Variants in TAOK3 observed in about 807,000 individuals in gnomAD.
TAOK3 encodes the protein TAO kinase 3, also known as serine/threonine-protein kinase TAO3.
TAOK3 carries 40 observed loss-of-function variants against 120.4 expected under a neutral mutation model. The observed-to-expected ratio is 0.33, with a 90% CI of 0.26 to 0.43. The LOEUF is 0.43. TAOK3 is among the 20% of genes least tolerant of loss of function. The probability of loss-of-function intolerance (pLI) is 1.00; values close to 1 mark genes in which losing one functional copy is unlikely to be tolerated. For missense variants in TAOK3, 821 were observed against 1,112.1 expected, an observed-to-expected ratio of 0.74 and a Z score of 3.72; for synonymous variants, 355 against 387.5, an observed-to-expected ratio of 0.92 and a Z score of 0.99.
At chr12:118,159,048 C>T (rs550986048) in intron 19 of TAOK3, among the ~76,000 whole-genome samples, 1 of 152,198 alleles carries the variant, frequency 6.6e-6, no homozygotes, top group Non-Finnish European at 1.5e-5. Flanking sequence ...GCTCCCATCC[C>T]AAGCTCCCTT....
chr12:118,279,362 C>T (rs2042011907), intron 1 of TAOK3, among the ~76,000 whole-genome samples: 1 of 152,006 alleles, frequency 6.6e-6, no homozygotes, highest in South Asian at 2.1e-4. Flanking sequence ...CATTTTCTCC[C>T]ATTCTGTAGG....
chr12:118,225,000 C>A (rs776938752), intron 9 of TAOK3, among the ~76,000 whole-genome samples: 3 of 152,010 alleles, frequency 2.0e-5, no homozygotes, highest in Non-Finnish European at 4.4e-5. Context: ...GTAATCCCAG[C>A]ACTTTGGGAG....
intron 1 of TAOK3, among the ~76,000 whole-genome samples, chr12:118,277,499 C>T (rs7132582): frequency 0.032 from 4,855 of 151,630 alleles, 282 homozygotes; most frequent in East Asian, 0.25. Flanking sequence ...CTTGCTCCGT[C>T]GCCCAGGTTG....
At chr12:118,295,486 T>C (rs368583404) in intron 1 of TAOK3, 1 of 152,222 alleles carries the variant, frequency 6.6e-6, no homozygotes, top group African/African-American at 2.4e-5. Flanking sequence ...CTGCCCTCTC[T>C]TTCCTCTCTT....
chr12:118,369,003 A>AT, intron 1 of TAOK3, among the ~76,000 whole-genome samples: 1 of 131,146 alleles, frequency 7.6e-6, no homozygotes, highest in African/African-American at 2.8e-5. Context: ...TACTAAAAAT[A>AT]GAAAAAAAAA....
intron 1 of TAOK3, among the ~76,000 whole-genome samples, chr12:118,322,797 C>G (rs1285641207): frequency 7.1e-6 from 1 of 141,606 alleles, no homozygotes; most frequent in Non-Finnish European, 1.5e-5. Flanking sequence ...ACAATCTCAG[C>G]TAACTGCAAC....
chr12:118,160,436 A>G lies in TAOK3; in HGVS notation c.2140-78T>C. The G allele has an allele frequency of 8.2e-7, 1 of 1,220,532 alleles. No homozygotes were observed. The allele number at this position is 1,220,532 out of a possible 1,614,324, so 75.6% of individuals were successfully genotyped here. ...AAGCCTTCTACCATAATGATATAATACAAGTGCTGAGAGCGTCTGTTTTTT... is the reference window on the plus strand; with the variant it reads ...AAGCCTTCTACCATAATGATATAATGCAAGTGCTGAGAGCGTCTGTTTTTT... On this transcript the variant is annotated intron_variant, in intron 18 of 20. Transcript: ENST00000392533. The surrounding 1 kb of genome is among the most constrained non-coding windows in gnomAD (Gnocchi z 4.2).
At position 118,151,289 on chromosome 12, in the gene TAOK3, G is replaced by GCACACACACACACA. The variant is rs773751889; in HGVS notation, c.2536-145_2536-132dup. ...GCACACACATGAAGTGCGCGCGCGC[G>GCACACACACACACA]CACACACACACACACACACACACAC... On this transcript the variant is annotated intron_variant, in intron 20 of 20. Transcript: ENST00000392533. 1,155 of 252,578 alleles carry GCACACACACACACA rather than the reference G, an allele frequency of 4.6e-3. 17 individuals carry two copies. The highest frequency in any genetic ancestry group is 0.041 in the East Asian group (989 of 23,918). The allele number at this position is 252,578 out of a possible 1,614,324, so 15.6% of individuals were successfully genotyped here. A position where few individuals can be genotyped will look rare whatever the true frequency, so the allele number is the denominator to read the frequency against.
intron 8 of TAOK3, among the ~76,000 whole-genome samples, chr12:118,234,517 T>A (rs2039939756): frequency 6.6e-6 from 1 of 152,172 alleles, no homozygotes; most frequent in East Asian, 1.9e-4. Flanking sequence ...GTGCTGGGAT[T>A]ACTGGCGTGA....
At chr12:118,298,711 T>C (rs1247783265) in intron 1 of TAOK3, among the ~76,000 whole-genome samples, 1 of 152,238 alleles carries the variant, frequency 6.6e-6, no homozygotes, top group Non-Finnish European at 1.5e-5. Flanking sequence ...AAACATGCAA[T>C]GTTTCTAAAT....
chr12:118,230,704 C>T (rs978962281), intron 9 of TAOK3, among the ~76,000 whole-genome samples: 4 of 151,896 alleles, frequency 2.6e-5, no homozygotes, highest in Admixed American at 6.6e-5. Flanking sequence ...CTCCTGACCT[C>T]GTGATCCGCC....
intron 1 of TAOK3, among the ~76,000 whole-genome samples, chr12:118,309,225 A>C (rs1270877792): frequency 3.4e-5 from 5 of 148,562 alleles, no homozygotes; most frequent in Admixed American, 1.4e-4. Flanking sequence ...GCTACTTGGG[A>C]GGCTGAGGCA....
At chr12:118,216,055 G>A (rs1338917164) in intron 9 of TAOK3, among the ~76,000 whole-genome samples, 8 of 152,114 alleles carry the variant, frequency 5.3e-5, no homozygotes, top group East Asian at 3.9e-4. Flanking sequence ...AAAATTAACC[G>A]GGCATGTTGG....
intron 6 of TAOK3, 62 bp downstream of exon 6, chr12:118,239,165 G>T: frequency 9.4e-7 from 1 of 1,061,038 alleles, no homozygotes; most frequent in South Asian, 1.3e-5. Context: ...CTTTAGTATG[G>T]CGGTAGATAA....
intron 1 of TAOK3, among the ~76,000 whole-genome samples, chr12:118,367,284 A>G (rs947801751): frequency 1.3e-5 from 2 of 152,038 alleles, no homozygotes; most frequent in Admixed American, 1.3e-4. Flanking sequence ...CAATATCCCT[A>G]ACAAATCTCA....
At chr12:118,306,170 A>G (rs2043046224) in intron 1 of TAOK3, among the ~76,000 whole-genome samples, 1 of 152,130 alleles carries the variant, frequency 6.6e-6, no homozygotes, top group Non-Finnish European at 1.5e-5. Flanking sequence ...TGGGGCACAC[A>G]TACAAGTTTA....
intron 1 of TAOK3, among the ~76,000 whole-genome samples, chr12:118,307,118 G>A (rs2140790819): frequency 6.6e-6 from 1 of 152,242 alleles, no homozygotes; most frequent in East Asian, 1.9e-4. Context: ...TTATATCATT[G>A]CCTCAGGAAT....
chr12:118,246,187 G>A, intron 3 of TAOK3: 2 of 1,405,276 alleles, frequency 1.4e-6, no homozygotes, highest in Admixed American at 2.0e-5. Flanking sequence ...GGCATCCGGG[G>A]CCGGGGTCGC....
At chr12:118,232,222 T>G (rs1017106152) in intron 9 of TAOK3, among the ~76,000 whole-genome samples, 1 of 152,240 alleles carries the variant, frequency 6.6e-6, no homozygotes, top group African/African-American at 2.4e-5. Context: ...TACCACTGGA[T>G]AGAAGTAAGC....
Sources: allele counts gnomAD v4.1 joint callset (sites outside exome capture counted in the v4.1 genomes callset), GRCh38; gene constraint gnomAD v4.1.1; non-coding constraint Gnocchi (gnomAD v3.1); transcripts MANE v1.5; gene names NCBI Gene and HGNC (gene_info 2026-07-23, HGNC 2026-07-21).